The following SUMF1 variants were observed in gnomAD, a reference collection of about 807,000 sequenced individuals.
The protein encoded by SUMF1 is sulfatase modifying factor 1.
A neutral mutation model predicts 47.6 loss-of-function variants in SUMF1; 48 were observed. That is an observed-to-expected ratio of 1.01 (90% confidence interval 0.80 to 1.28). SUMF1 has a LOEUF of 1.28. Among genes scored for constraint, SUMF1 ranks in the 50% most tolerant of loss-of-function variants. The pLI is 0.00. For synonymous variants in SUMF1, 230 were observed against 192.1 expected (o/e 1.20, Z -1.63); for missense variants, 571 against 485.4 (o/e 1.18, Z -1.66).
chr3:4,411,736 A>C (rs368433494), intron 6 of SUMF1, among the ~76,000 whole-genome samples: 1 of 151,870 alleles, frequency 6.6e-6, no homozygotes, highest in Non-Finnish European at 1.5e-5. Context: ...TTAACTGAAC[A>C]ATAATAAATG....
At chr3:4,354,568 A>T (rs1417370927) in intron 8 of SUMF1, among the ~76,000 whole-genome samples, 2 of 152,232 alleles carry the variant, frequency 1.3e-5, no homozygotes, top group East Asian at 3.8e-4. Flanking sequence ...ACCGCGCAGG[A>T]TCAGGTATTT....
At chr3:4,318,146 T>C (rs1367692507) in intron 8 of SUMF1, among the ~76,000 whole-genome samples, 6 of 151,526 alleles carry the variant, frequency 4.0e-5, no homozygotes, top group Non-Finnish European at 8.8e-5. Flanking sequence ...ACCAAAGACA[T>C]TACTAGGAAA....
rs373462981 is a variant in SUMF1 at position 4,059,414 on chromosome 3, C to T, written c.1191+9155G>A. ...CATTCTGGAATTGAAAACTTAAATC[C>T]TCCAGACAACCATTAACTTTTAAAG... On this transcript the variant is annotated intron_variant and NMD_transcript_variant, in intron 9 of 12. Transcript: ENST00000448413. Among the ~76,000 whole-genome samples the T allele has an allele frequency of 5.9e-5, 9 of 152,220 alleles. 1 individual carries two copies. The highest frequency in any genetic ancestry group is 1.9e-4 in the East Asian group (1 of 5,180).
rs548686094 is a variant in SUMF1 at position 4,411,469 on chromosome 3, C to A, written c.841-491G>T. ...AAGTTTCTGCCAACTCATCATCTTA[C>A]CTTAAGCCTCAAAACTTAAGGGGAT... On this transcript the variant is annotated intron_variant, in intron 6 of 8. Coordinates refer to ENST00000272902, the MANE Select transcript of SUMF1 (RefSeq NM_182760.4). Among the ~76,000 whole-genome samples, 10 of 152,222 alleles carry A rather than the reference C, an allele frequency of 6.6e-5. No individual in the cohort carries two copies. The East Asian group carries it at 1.5e-3, about 24-fold the overall frequency.
At chr3:4,405,723 A>C (rs1701354932) in intron 7 of SUMF1, among the ~76,000 whole-genome samples, 1 of 152,254 alleles carries the variant, frequency 6.6e-6, no homozygotes, top group African/African-American at 2.4e-5. Context: ...AACAACCCTG[A>C]GAAACAGAGG....
At chr3:4,161,251 A>C (rs1694570225) in intron 8 of SUMF1, among the ~76,000 whole-genome samples, 1 of 152,128 alleles carries the variant, frequency 6.6e-6, no homozygotes, top group Admixed American at 6.5e-5. Context: ...GGGTACCAAC[A>C]CTGAAACTAC....
chr3:4,141,726 T>C lies in SUMF1; in HGVS notation c.1015-72981A>G, dbSNP rs574175759. ...CATAGCTATTGCACTTTTATGGCAC[T>C]TCATCCACAGACAGTGAAGTCCTAA... On this transcript the variant is annotated intron_variant and NMD_transcript_variant, in intron 8 of 12. Transcript: ENST00000448413. 7.2e-4 allele frequency among the ~76,000 whole-genome samples: 110 copies of C among 152,224 alleles called. 1 individual carries two copies. The highest frequency in any genetic ancestry group is 2.6e-3 in the African/African-American group (106 of 41,520).
chr3:4,345,982 C>G (rs1699365314), intron 8 of SUMF1, among the ~76,000 whole-genome samples: 3 of 152,168 alleles, frequency 2.0e-5, no homozygotes, highest in African/African-American at 7.2e-5. Flanking sequence ...AGCTAACTAT[C>G]CTGAATGTAT....
At chr3:4,278,691 A>C (rs1269235312) in intron 8 of SUMF1, among the ~76,000 whole-genome samples, 1 of 152,172 alleles carries the variant, frequency 6.6e-6, no homozygotes, top group African/African-American at 2.4e-5. Flanking sequence ...AGATAAATTA[A>C]CAAGCAAAAA....
chr3:4,070,654 T>C (rs1166074151), intron 8 of SUMF1, among the ~76,000 whole-genome samples: 1 of 152,094 alleles, frequency 6.6e-6, no homozygotes, highest in Non-Finnish European at 1.5e-5. Flanking sequence ...TCTTTTTTTT[T>C]AGGCAGAGTC....
At chr3:4,064,658 C>A in intron 9 of SUMF1, among the ~76,000 whole-genome samples, 1 of 152,028 alleles carries the variant, frequency 6.6e-6, no homozygotes, top group East Asian at 1.9e-4. Flanking sequence ...GGTCAGGACC[C>A]CTTTTCAGTA....
chr3:4,136,277 G>A (rs972184603), intron 8 of SUMF1, among the ~76,000 whole-genome samples: 1 of 151,994 alleles, frequency 6.6e-6, no homozygotes, highest in Non-Finnish European at 1.5e-5. Flanking sequence ...CCAAAACAGA[G>A]ATATAGACCA....
intron 8 of SUMF1, among the ~76,000 whole-genome samples, chr3:4,245,214 TACTG>T (rs1223579516): frequency 6.6e-6 from 1 of 152,038 alleles, no homozygotes; most frequent in East Asian, 1.9e-4. Flanking sequence ...AGTTTGTTAT[TACTG>T]ACTTTCTGAA....
intron 8 of SUMF1, among the ~76,000 whole-genome samples, chr3:4,097,380 C>G (rs1265344908): frequency 1.3e-5 from 2 of 151,960 alleles, no homozygotes; most frequent in Non-Finnish European, 2.9e-5. Flanking sequence ...TGGTGAAACC[C>G]CATCTCTACT....
intron 8 of SUMF1, among the ~76,000 whole-genome samples, chr3:4,319,346 C>G (rs113322088): frequency 6.6e-6 from 1 of 152,178 alleles, no homozygotes; most frequent in Non-Finnish European, 1.5e-5. Context: ...AAGTATTTCA[C>G]TGGGTGCTGC....
chr3:4,157,689 A>G (rs1274079313), intron 8 of SUMF1, among the ~76,000 whole-genome samples: 3 of 151,338 alleles, frequency 2.0e-5, no homozygotes, highest in Admixed American at 1.3e-4. Flanking sequence ...GCTTATCTCT[A>G]TACGCTTCTT....
Position 4,246,466 on chromosome 3 carries a change from A to G in SUMF1, c.1014+129864T>C, listed in dbSNP as rs183015255. Among the ~76,000 whole-genome samples the G allele has an allele frequency of 2.0e-5, 3 of 151,980 alleles. No individual in the cohort carries two copies. The East Asian group carries it at 5.8e-4, about 30-fold the overall frequency. On this transcript the variant is annotated intron_variant and NMD_transcript_variant, in intron 8 of 12. Coordinates refer to the SUMF1 transcript ENST00000448413. ...GCCCAGGCTGGAGTACAGTGGCACAATCTCGGCTCACCATAACCTCTGCCT... is the reference window on the plus strand; with the variant it reads ...GCCCAGGCTGGAGTACAGTGGCACAGTCTCGGCTCACCATAACCTCTGCCT...
At chr3:4,053,662 G>C (rs1235958916) in intron 9 of SUMF1, among the ~76,000 whole-genome samples, 1 of 152,084 alleles carries the variant, frequency 6.6e-6, no homozygotes. Context: ...ACTGTGACAT[G>C]GCCTTTGAAA....
At chr3:4,206,537 C>G (rs1266875965) in intron 8 of SUMF1, among the ~76,000 whole-genome samples, 1 of 152,142 alleles carries the variant, frequency 6.6e-6, no homozygotes, top group Non-Finnish European at 1.5e-5. Context: ...CTCTCCCAAA[C>G]ACAGATTCTT....
Sources: gnomAD v4.1 joint callset for allele counts (sites outside exome capture counted in the v4.1 genomes callset) on GRCh38, gnomAD v4.1.1 for gene constraint, MANE v1.5 for transcripts, NCBI Gene and HGNC (gene_info 2026-07-23, HGNC 2026-07-21) for gene names.